Variants in DPP10 observed in about 807,000 individuals in gnomAD.
DPP10 encodes the protein inactive dipeptidyl peptidase 10.
DPP10 carries 33 observed loss-of-function variants against 120.9 expected under a neutral mutation model. The ratio of observed to expected loss-of-function variants is 0.27; its 90% confidence interval spans 0.21 to 0.37. DPP10 has a LOEUF of 0.37. Among genes scored for constraint, DPP10 ranks in the 10% least tolerant of loss-of-function variants. The probability of loss-of-function intolerance (pLI) is 1.00; values close to 1 mark genes in which losing one functional copy is unlikely to be tolerated. For missense variants in DPP10, 816 were observed against 942.8 expected (o/e 0.87, Z 1.76); for synonymous variants, 337 against 326.1 (o/e 1.03, Z -0.36).
At chr2:115,811,887 T>C (rs2150024262) in intron 19 of DPP10, among the ~76,000 whole-genome samples, 1 of 152,334 alleles carries the variant, frequency 6.6e-6, no homozygotes, top group Non-Finnish European at 1.5e-5. Context: ...GCCGAAATTC[T>C]TTATATAGTT....
chr2:115,249,469 C>G (rs780415098), intron 1 of DPP10, among the ~76,000 whole-genome samples: 3 of 151,948 alleles, frequency 2.0e-5, no homozygotes, highest in Non-Finnish European at 4.4e-5. Flanking sequence ...TTTATTGGGT[C>G]GAGTGATTTT....
At position 115,803,786 on chromosome 2, in the gene DPP10, C is replaced by G. The variant is rs143412670; in HGVS notation, c.1701-11007C>G. Among the ~76,000 whole-genome samples, 521 of 152,300 alleles carry G rather than the reference C, an allele frequency of 3.4e-3. 6 individuals carry two copies. Among genetic ancestry groups the G allele is most frequent in the Non-Finnish European group, 4.3e-3 (292 of 68,026 alleles). On this transcript the variant is annotated intron_variant, in intron 19 of 25. Coordinates refer to ENST00000410059, the MANE Select transcript of DPP10 (RefSeq NM_020868.6). Reference sequence around the variant, plus strand: ...CACTATCTTCTGGCTTCTAGAGTTTCTGCCGAGAGATCCGCTGTTAGTCTG... The same window carrying G: ...CACTATCTTCTGGCTTCTAGAGTTTGTGCCGAGAGATCCGCTGTTAGTCTG...
intron 1 of DPP10, among the ~76,000 whole-genome samples, chr2:115,136,118 TGGATA>T (rs1213235334): frequency 1.3e-5 from 2 of 151,998 alleles, no homozygotes; most frequent in African/African-American, 4.8e-5. Flanking sequence ...GAGTATGCCA[TGGATA>T]GACACTTAGG....
At chr2:114,521,251 G>C (rs62165187) in intron 1 of DPP10, among the ~76,000 whole-genome samples, 4 of 144,506 alleles carry the variant, frequency 2.8e-5, no homozygotes, top group Admixed American at 7.0e-5. Flanking sequence ...CACATGCACA[G>C]ACACACACAC....
At chr2:115,476,633 A>C (rs1315142170) in intron 3 of DPP10, among the ~76,000 whole-genome samples, 1 of 152,128 alleles carries the variant, frequency 6.6e-6, no homozygotes, top group Non-Finnish European at 1.5e-5. Context: ...GGCACTAAGC[A>C]ATTAATGAGA....
chr2:114,943,033 A>C (rs1697077399), intron 1 of DPP10, among the ~76,000 whole-genome samples: 1 of 151,970 alleles, frequency 6.6e-6, no homozygotes, highest in Non-Finnish European at 1.5e-5. Flanking sequence ...ATTTCTCCTA[A>C]TGCTATCCCT....
At chr2:114,728,180 G>T (rs961430302) in intron 1 of DPP10, among the ~76,000 whole-genome samples, 6 of 152,178 alleles carry the variant, frequency 3.9e-5, no homozygotes, top group African/African-American at 1.4e-4. Flanking sequence ...AAGGTAGAAG[G>T]GTGATAAAGT....
At chr2:115,283,637 C>T (rs2105888162) in intron 1 of DPP10, among the ~76,000 whole-genome samples, 1 of 152,006 alleles carries the variant, frequency 6.6e-6, no homozygotes, top group East Asian at 1.9e-4. Flanking sequence ...GGTATTATTA[C>T]CAGGTAGGGG....
intron 1 of DPP10, among the ~76,000 whole-genome samples, chr2:114,928,702 G>A (rs1261132314): frequency 6.6e-6 from 1 of 151,868 alleles, no homozygotes; most frequent in East Asian, 1.9e-4. Context: ...TCTCAGTGGT[G>A]GCTATGCTTC....
intron 1 of DPP10, among the ~76,000 whole-genome samples, chr2:114,469,128 T>A (rs563208763): frequency 9.3e-6 from 1 of 107,338 alleles, no homozygotes; most frequent in South Asian, 2.6e-4. Flanking sequence ...CTGATTTCAC[T>A]TGAGAGAGAC....
chr2:115,833,791 C>T (rs1225374073), intron 21 of DPP10, among the ~76,000 whole-genome samples: 1 of 152,144 alleles, frequency 6.6e-6, no homozygotes, highest in Non-Finnish European at 1.5e-5. Context: ...TGAGATAACA[C>T]ATTATGTGTA....
rs181962252 is a variant in DPP10 at position 114,670,296 on chromosome 2, A to G, written c.60+227458A>G. Among the ~76,000 whole-genome samples, 42 of 152,344 alleles carry G rather than the reference A, an allele frequency of 2.8e-4. No individual in the cohort carries two copies. The East Asian group carries it at 7.9e-3, about 29-fold the overall frequency. ...AAATGTCCCACAGTGATAGACAATGATAGACTGGATTAAGAAAATGTGGTA... is the reference window on the plus strand; with the variant it reads ...AAATGTCCCACAGTGATAGACAATGGTAGACTGGATTAAGAAAATGTGGTA... On this transcript the variant is annotated intron_variant, in intron 1 of 25. Coordinates refer to ENST00000410059, the MANE Select transcript of DPP10 (RefSeq NM_020868.6).
intron 1 of DPP10, among the ~76,000 whole-genome samples, chr2:114,511,189 A>G (rs569859428): frequency 4.6e-5 from 7 of 152,388 alleles, no homozygotes; most frequent in Admixed American, 1.3e-4. Flanking sequence ...ATATAGTTCT[A>G]AAGCATACTA....
intron 5 of DPP10, among the ~76,000 whole-genome samples, chr2:115,610,511 G>GTGTGTGTGTGTA (rs56136090): frequency 0.036 from 5,408 of 150,464 alleles, 113 homozygotes; most frequent in Middle Eastern, 0.045. Context: ...GTGTGTGTGT[G>GTGTGTGTGTGTA]TGTTTTCAAC....
intron 1 of DPP10, among the ~76,000 whole-genome samples, chr2:114,649,227 C>G (rs1293794254): frequency 6.6e-6 from 1 of 152,110 alleles, no homozygotes; most frequent in African/African-American, 2.4e-5. Flanking sequence ...TTCTATTAAC[C>G]AGAAACAGTT....
intron 1 of DPP10, among the ~76,000 whole-genome samples, chr2:114,855,278 C>G (rs1285123339): frequency 1.3e-5 from 2 of 152,164 alleles, no homozygotes; most frequent in African/African-American, 4.8e-5. Flanking sequence ...TTAGAAATCT[C>G]TTTCATCTAA....
At chr2:115,588,554 C>T (rs998975562) in intron 5 of DPP10, among the ~76,000 whole-genome samples, 2 of 152,254 alleles carry the variant, frequency 1.3e-5, no homozygotes, top group Non-Finnish European at 2.9e-5. Flanking sequence ...CAGCAAGAGT[C>T]GCACATAGCT....
In DPP10 at chr2:115,343,896, G is replaced by A. The variant is rs1247806322; in HGVS notation, c.255G>A (p.Glu85=). The change falls in exon 3 of 26, where the codon GAG becomes GAA. Residue 85 remains glutamate (E), a synonymous_variant. Transcript: ENST00000410059. ...AAGACTTTGTGCTTCACGATCCAGAGGCTCGGTGGATCAATGGTAAGTGTA... is the reference window on the plus strand; with the variant it reads ...AAGACTTTGTGCTTCACGATCCAGAAGCTCGGTGGATCAATGGTAAGTGTA... ...FRKDFVLHDP[E]ARWINDTDVV... is the part of the protein sequence containing the mutation. 1 of 1,611,068 alleles carries A rather than the reference G, an allele frequency of 6.2e-7. No homozygotes were observed. The highest frequency in any genetic ancestry group is 8.5e-7 in the Non-Finnish European group (1 of 1,178,532).
intron 19 of DPP10, among the ~76,000 whole-genome samples, chr2:115,804,997 G>T (rs1002462411): frequency 2.0e-5 from 3 of 152,216 alleles, no homozygotes; most frequent in African/African-American, 2.4e-5. Flanking sequence ...GGTTATTGCT[G>T]TCTTTTGTTT....
Sources: allele counts gnomAD v4.1 joint callset (sites outside exome capture counted in the v4.1 genomes callset), GRCh38; gene constraint gnomAD v4.1.1; transcripts MANE v1.5; gene names NCBI Gene and HGNC (gene_info 2026-07-23, HGNC 2026-07-21).